Variants in FRMD6 observed in about 807,000 individuals in gnomAD.
FRMD6 encodes the protein FERM domain containing 6.
FRMD6 carries 37 observed loss-of-function variants against 73.2 expected under a neutral mutation model. The observed-to-expected ratio is 0.51, with a 90% CI of 0.39 to 0.66. The LOEUF (loss-of-function observed/expected upper bound fraction) is 0.66. Among genes scored for constraint, FRMD6 ranks in the 30% least tolerant of loss-of-function variants. The pLI, the probability that FRMD6 is intolerant of heterozygous loss-of-function variation, is 0.00. For synonymous variants in FRMD6, 273 were observed against 282.2 expected, an observed-to-expected ratio of 0.97 and a Z score of 0.33; for missense variants, 714 against 780.5, an observed-to-expected ratio of 0.91 and a Z score of 1.02.
intron 1 of FRMD6, among the ~76,000 whole-genome samples, chr14:51,664,997 C>T (rs1893476550): frequency 6.6e-6 from 1 of 152,162 alleles, no homozygotes; most frequent in African/African-American, 2.4e-5. Flanking sequence ...TCTTATGTCA[C>T]TTGTCAGTGA....
chr14:51,495,665 T>C (rs774121230), intron 1 of FRMD6, among the ~76,000 whole-genome samples: 1 of 152,212 alleles, frequency 6.6e-6, no homozygotes, highest in African/African-American at 2.4e-5. Context: ...GCCTTCTAAC[T>C]GAGGACTGAC....
chr14:51,488,988 C>T (rs1476167118), upstream of FRMD6: 1 of 152,244 alleles, frequency 6.6e-6, no homozygotes, highest in African/African-American at 2.4e-5. Flanking sequence ...AATATCTCTG[C>T]AGACAGGTAC....
At chr14:51,563,583 T>A (rs1373695790) in intron 1 of FRMD6, among the ~76,000 whole-genome samples, 2 of 152,106 alleles carry the variant, frequency 1.3e-5, no homozygotes, top group Admixed American at 1.3e-4. Flanking sequence ...GGCATGAGAA[T>A]CACTTGAACC....
intron 2 of FRMD6, among the ~76,000 whole-genome samples, chr14:51,644,465 T>C (rs912320685): frequency 1.3e-5 from 2 of 152,182 alleles, no homozygotes; most frequent in East Asian, 1.9e-4. Flanking sequence ...TCAACAAATA[T>C]GTGTCAGATA....
chr14:51,416,722 C>T, the FRMD6 span, among the ~76,000 whole-genome samples: 107 of 152,282 alleles, frequency 7.0e-4, 1 homozygote, highest in African/African-American at 2.3e-3. Context: ...AACCTTCTGT[C>T]TTGTTGATCT....
chr14:51,678,324 C>T (rs1894535241), intron 1 of FRMD6, among the ~76,000 whole-genome samples: 1 of 152,046 alleles, frequency 6.6e-6, no homozygotes, highest in African/African-American at 2.4e-5. Flanking sequence ...CAGTGTGTCT[C>T]CTTATGTGTT....
chr14:51,548,842 C>A (rs576721904), intron 1 of FRMD6, among the ~76,000 whole-genome samples: 1 of 152,260 alleles, frequency 6.6e-6, no homozygotes, highest in South Asian at 2.1e-4. Context: ...GTCCTGGGAC[C>A]AGCAACGTCA....
In FRMD6 at chr14:51,719,682, G is replaced by A. The variant is rs143206539; in HGVS notation, c.1025-373G>A. Among the ~76,000 whole-genome samples the A allele has an allele frequency of 5.9e-5, 9 of 152,272 alleles. No individual in the cohort carries two copies. In the East Asian group the frequency reaches 1.7e-3, roughly 29 times the overall value. The stretch of plus-strand genomic sequence containing the variant: ...TTTCGCAAAATACAAAATCACATTG[G>A]TGGCTGTCATGGCAATGTCACATAG... On this transcript the variant is annotated intron_variant, in intron 10 of 13. Coordinates refer to ENST00000344768, the MANE Select transcript of FRMD6 (RefSeq NM_001267046.2).
At chr14:51,618,661 C>A (rs1246511542) in intron 2 of FRMD6, among the ~76,000 whole-genome samples, 1 of 152,004 alleles carries the variant, frequency 6.6e-6, no homozygotes, top group South Asian at 2.1e-4. Flanking sequence ...AGAATGACTC[C>A]CAGTTTTCCA....
intron 2 of FRMD6, among the ~76,000 whole-genome samples, chr14:51,620,743 C>A (rs908432607): frequency 6.6e-6 from 1 of 152,200 alleles, no homozygotes; most frequent in African/African-American, 2.4e-5. Context: ...CATGACAATG[C>A]ACAGACCCAA....
chr14:51,722,685 A>G (rs536867189), intron 12 of FRMD6, among the ~76,000 whole-genome samples: 5 of 152,368 alleles, frequency 3.3e-5, no homozygotes, highest in South Asian at 4.1e-4. Flanking sequence ...GTAAGATACT[A>G]TCTTTAAAAA....
chr14:51,700,028 T>C (rs1896207907), intron 3 of FRMD6, among the ~76,000 whole-genome samples: 1 of 151,966 alleles, frequency 6.6e-6, no homozygotes. Context: ...ACTTTACCCT[T>C]CCTATTTTCT....
intron 1 of FRMD6, among the ~76,000 whole-genome samples, chr14:51,685,418 T>A (rs1295968156): frequency 6.6e-6 from 1 of 152,224 alleles, no homozygotes; most frequent in African/African-American, 2.4e-5. Context: ...CTATATCATA[T>A]GCTTATTGTC....
At position 51,695,055 on chromosome 14, in the gene FRMD6, C is replaced by T. The variant is rs1264544246; in HGVS notation, c.100-3087C>T. ...TGGGCTGCATGGAGGAAATATATAA[C>T]GTTATTTGGTCTACAGTCACACGAG... On this transcript the variant is annotated intron_variant, in intron 2 of 13. Transcript: ENST00000344768. Among the ~76,000 whole-genome samples, 7 of 151,622 alleles carry T rather than the reference C, an allele frequency of 4.6e-5. No homozygotes were observed. The East Asian group carries it at 5.8e-4, about 13-fold the overall frequency.
At chr14:51,437,268 G>C in the FRMD6 span, among the ~76,000 whole-genome samples, 2 of 152,272 alleles carry the variant, frequency 1.3e-5, no homozygotes, top group East Asian at 3.9e-4. Context: ...AGTTTGCTGA[G>C]AATGACGGTT....
intron 1 of FRMD6, among the ~76,000 whole-genome samples, chr14:51,559,861 T>A (rs1017060644): frequency 6.6e-6 from 1 of 152,184 alleles, no homozygotes; most frequent in Non-Finnish European, 1.5e-5. Flanking sequence ...TTCTGGAAGT[T>A]TTTCAGAAGT....
chr14:51,415,313 A>G, the FRMD6 span, among the ~76,000 whole-genome samples: 1 of 152,166 alleles, frequency 6.6e-6, no homozygotes, highest in Non-Finnish European at 1.5e-5. Flanking sequence ...AGCTCTTATT[A>G]TTTTGAGGTA....
chr14:51,478,369 A>G, the FRMD6 span, among the ~76,000 whole-genome samples: 3 of 152,228 alleles, frequency 2.0e-5, no homozygotes, highest in African/African-American at 7.2e-5. Context: ...GTGAGAATGA[A>G]TAGTAGTCAG....
At chr14:51,627,772 A>G (rs145901404) in intron 2 of FRMD6, among the ~76,000 whole-genome samples, 3 of 152,264 alleles carry the variant, frequency 2.0e-5, no homozygotes, top group East Asian at 1.9e-4. Flanking sequence ...GCCTTACCCA[A>G]TTAGAAAGTT....
Sources: allele counts gnomAD v4.1 joint callset (sites outside exome capture counted in the v4.1 genomes callset), GRCh38; gene constraint gnomAD v4.1.1; transcripts MANE v1.5; gene names NCBI Gene and HGNC (gene_info 2026-07-23, HGNC 2026-07-21).